INVS: variants seen among roughly 807,000 people sequenced by gnomAD.
The protein encoded by INVS is inversin, also known as inversion of embryo turning homolog.
In INVS, 86 loss-of-function variants were observed where a neutral mutation model predicts 108.8. The ratio of observed to expected loss-of-function variants is 0.79; its 90% CI spans 0.66 to 0.95. INVS has a LOEUF of 0.95. Ranked by LOEUF, INVS falls within the 40% of genes least tolerant of loss-of-function variation. The probability of loss-of-function intolerance (pLI) is 0.00; values close to 1 mark genes in which losing one functional copy is unlikely to be tolerated. For synonymous variants in INVS, 455 were observed against 473.5 expected, an observed-to-expected ratio of 0.96 and a Z score of 0.51; for missense variants, 1,169 against 1,297.4, an observed-to-expected ratio of 0.90 and a Z score of 1.52.
intron 5 of INVS, among the ~76,000 whole-genome samples, chr9:100,230,155 AGATAT>A (rs1831462219): frequency 6.6e-6 from 1 of 152,244 alleles, no homozygotes; most frequent in Non-Finnish European, 1.5e-5. Flanking sequence ...AACAGTGAAT[AGATAT>A]AAGTATCAGT....
At chr9:100,165,871 T>G (rs1245674520) in intron 3 of INVS, among the ~76,000 whole-genome samples, 1 of 152,158 alleles carries the variant, frequency 6.6e-6, no homozygotes, top group Non-Finnish European at 1.5e-5. Context: ...ATCAGCTATT[T>G]CTCCAATAGC....
chr9:100,102,104 A>G (rs1022640028), intron 1 of INVS: 1 of 107,190 alleles, frequency 9.3e-6, no homozygotes, highest in Non-Finnish European at 1.9e-5. Context: ...ATTTTATTTT[A>G]TTTTTTTTGA....
intron 12 of INVS, among the ~76,000 whole-genome samples, chr9:100,279,182 T>C (rs1833203683): frequency 6.6e-6 from 1 of 152,212 alleles, no homozygotes. Flanking sequence ...ATTTTAGATA[T>C]TACAAATATA....
At chr9:100,283,297 C>G (rs964203610) in intron 12 of INVS, among the ~76,000 whole-genome samples, 7 of 152,084 alleles carry the variant, frequency 4.6e-5, no homozygotes, top group Non-Finnish European at 1.0e-4. Flanking sequence ...GGTAAAAGAC[C>G]GTGTCTTTAA....
At chr9:100,287,249 G>A (rs889246921) in intron 13 of INVS, among the ~76,000 whole-genome samples, 1 of 152,112 alleles carries the variant, frequency 6.6e-6, no homozygotes, top group African/African-American at 2.4e-5. Flanking sequence ...CTTACATTGT[G>A]GTCTCAGGAC....
At chr9:100,280,186 G>GA in intron 12 of INVS, among the ~76,000 whole-genome samples, 1 of 152,218 alleles carries the variant, frequency 6.6e-6, no homozygotes, top group Admixed American at 6.5e-5. Context: ...GGCTTTGGGG[G>GA]AATATCTCTG....
chr9:100,189,897 G>GGGTAGAAT (rs1249068694), intron 3 of INVS, among the ~76,000 whole-genome samples: 1 of 151,886 alleles, frequency 6.6e-6, no homozygotes, highest in East Asian at 1.9e-4. Context: ...GCAAAGTATG[G>GGGTAGAAT]GGTAGAATTT....
chr9:100,133,776 C>T, intron 3 of INVS, among the ~76,000 whole-genome samples: 1 of 148,480 alleles, frequency 6.7e-6, no homozygotes, highest in East Asian at 2.0e-4. Context: ...CACACACACA[C>T]ACACACACAC....
chr9:100,193,212 A>G (rs2118172835), intron 3 of INVS, among the ~76,000 whole-genome samples: 1 of 152,132 alleles, frequency 6.6e-6, no homozygotes, highest in South Asian at 2.1e-4. Flanking sequence ...ACTGCTGGCC[A>G]TGAACAATTC....
At chr9:100,140,432 G>A (rs1828388268) in intron 3 of INVS, among the ~76,000 whole-genome samples, 1 of 152,158 alleles carries the variant, frequency 6.6e-6, no homozygotes, top group Admixed American at 6.5e-5. Flanking sequence ...CCAGGAGAAG[G>A]AATTTCACAA....
intron 3 of INVS, among the ~76,000 whole-genome samples, chr9:100,167,059 C>T (rs982171916): frequency 2.6e-5 from 4 of 151,996 alleles, no homozygotes; most frequent in African/African-American, 9.7e-5. Context: ...GGCGAAACCC[C>T]ATCTCTACTA....
intron 3 of INVS, chr9:100,175,751 G>A (rs926797941): frequency 9.5e-6 from 6 of 629,164 alleles, no homozygotes; most frequent in Admixed American, 3.8e-5. Context: ...GTAGCAGTTC[G>A]GCCTGGGGCA....
chr9:100,212,037 G>A (rs2118305050), intron 3 of INVS, among the ~76,000 whole-genome samples: 1 of 152,268 alleles, frequency 6.6e-6, no homozygotes, highest in South Asian at 2.1e-4. Context: ...AGTGGAAAAA[G>A]CAATGCAGAT....
In INVS at chr9:100,242,662, G is replaced by A. The variant is rs116475199; in HGVS notation, c.889G>A (p.Ala297Thr). 7 of 1,598,398 alleles carry A rather than the reference G, an allele frequency of 4.4e-6. No individual in the cohort carries two copies. In the East Asian group the frequency reaches 1.6e-4, roughly 36 times the overall value. The change falls in exon 7 of 17, where the codon GCT (alanine) becomes ACT (threonine). Residue 297 changes from alanine to threonine, a missense_variant. Ala to Thr is a moderately conservative substitution (Grantham distance 58). Coordinates refer to ENST00000262457, the MANE Select transcript of INVS (RefSeq NM_014425.5). The stretch of plus-strand genomic sequence containing the variant: ...AGGAGCCACACCTTTGCACTATGCT[G>A]CTCAGAGTAACTTTGCTGTAAGTAA... ...SQGATPLHYAAQSNFAETVKV... is the reference protein window; with the variant it reads ...SQGATPLHYATQSNFAETVKV...
chr9:100,222,876 C>T (rs1347736152), intron 3 of INVS, among the ~76,000 whole-genome samples: 5 of 151,036 alleles, frequency 3.3e-5, no homozygotes, highest in Admixed American at 2.6e-4. Context: ...AGCAGGGTGC[C>T]CTCTTGAGGA....
Position 100,242,648 on chromosome 9 carries a change from C to G in INVS, c.875C>G (p.Pro292Arg). The G allele has an allele frequency of 6.2e-7, 1 of 1,609,338 alleles. No homozygotes were observed. The highest frequency in any genetic ancestry group is 8.5e-7 in the Non-Finnish European group (1 of 1,175,734). ...TIPSDSQGAT[P>R]LHYAAQSNFA... ...CCATCTGACAGCCAAGGAGCCACAC[C>G]TTTGCACTATGCTGCTCAGAGTAAC... Residue 292 changes from proline to arginine, a missense_variant, in exon 7 of 17, where the codon CCT (proline) becomes CGT (arginine). Around this residue, in one of 3 missense-constraint regions of INVS, gnomAD observed 365 missense variants for 397.5 expected, o/e 0.92. Coordinates refer to ENST00000262457, the MANE Select transcript of INVS (RefSeq NM_014425.5).
intron 3 of INVS, among the ~76,000 whole-genome samples, chr9:100,166,979 C>T (rs1829383219): frequency 6.6e-6 from 1 of 152,176 alleles, no homozygotes; most frequent in Non-Finnish European, 1.5e-5. Flanking sequence ...GTGGCTTACA[C>T]CAGCACTTTG....
Position 100,292,417 on chromosome 9 carries a change from C to G in INVS, c.2160C>G (p.Pro720=), listed in dbSNP as rs1833647271. Residue 720 remains proline (P), a synonymous_variant, in exon 14 of 17, where the codon CCC becomes CCG. Transcript: ENST00000262457. ...GSDGSRHPGV[P]SVEKSRGETA... ...ATGGAAGCAGGCATCCAGGAGTTCC[C>G]TCTGTTGAGAAGTCCAGAGGTGAGA... 6.2e-7 allele frequency: 1 copy of G among 1,614,044 alleles called. No individual in the cohort carries two copies. The highest frequency in any genetic ancestry group is 8.5e-7 in the Non-Finnish European group (1 of 1,180,044).
chr9:100,273,115 G>C, intron 12 of INVS, 39 bp downstream of exon 12: 2 of 1,525,750 alleles, frequency 1.3e-6, no homozygotes, highest in Non-Finnish European at 1.8e-6. Flanking sequence ...TCGCCACCCA[G>C]AATCAGGGTG....
Sources: allele counts gnomAD v4.1 joint callset (sites outside exome capture counted in the v4.1 genomes callset), GRCh38; gene constraint gnomAD v4.1.1; regional missense constraint gnomAD v4.1.1; transcripts MANE v1.5; gene names NCBI Gene and HGNC (gene_info 2026-07-23, HGNC 2026-07-21).